The following OSBPL8 variants were observed in gnomAD, a reference collection of about 807,000 sequenced individuals.
OSBPL8 encodes oxysterol-binding protein-related protein 8.
A neutral mutation model predicts 125.5 loss-of-function variants in OSBPL8; 59 were observed. The observed-to-expected ratio is 0.47, with a 90% CI of 0.38 to 0.58. OSBPL8 has a LOEUF of 0.58. OSBPL8 is among the 20% of genes least tolerant of loss of function. The pLI is 0.00. For synonymous variants in OSBPL8, 330 were observed against 338.9 expected, an observed-to-expected ratio of 0.97 and a Z score of 0.29; for missense variants, 758 against 1,047.8, an observed-to-expected ratio of 0.72 and a Z score of 3.82.
At chr12:76,536,980 T>C (rs867279133) in intron 1 of OSBPL8, 1 of 152,452 alleles carries the variant, frequency 6.6e-6, no homozygotes, top group Non-Finnish European at 1.5e-5. Flanking sequence ...TCTATCTTTG[T>C]GTTTAAAAAA....
At chr12:76,356,507 T>C in intron 23 of OSBPL8, 119 bp downstream of exon 23, 1 of 628,802 alleles carries the variant, frequency 1.6e-6, no homozygotes, top group Non-Finnish European at 2.7e-6. Flanking sequence ...GGCTAAACAT[T>C]GTATTTTAGC....
intron 2 of OSBPL8, among the ~76,000 whole-genome samples, chr12:76,484,346 A>C (rs1031084560): frequency 6.6e-6 from 1 of 152,214 alleles, no homozygotes; most frequent in African/African-American, 2.4e-5. Flanking sequence ...TCTCTTAAGA[A>C]AGCTTCTCCA....
At chr12:76,414,852 T>C (rs1868429505) in intron 4 of OSBPL8, among the ~76,000 whole-genome samples, 1 of 152,172 alleles carries the variant, frequency 6.6e-6, no homozygotes, top group South Asian at 2.1e-4. Flanking sequence ...TTTTCCCACA[T>C]CTATTAAGAT....
intron 4 of OSBPL8, among the ~76,000 whole-genome samples, chr12:76,417,336 G>A (rs934199879): frequency 5.3e-5 from 8 of 152,038 alleles, no homozygotes; most frequent in Middle Eastern, 3.2e-3. Flanking sequence ...TGTCTTTGAT[G>A]GTCTGTAGTT....
chr12:76,515,445 T>C (rs939781052), intron 1 of OSBPL8, among the ~76,000 whole-genome samples: 1 of 152,204 alleles, frequency 6.6e-6, no homozygotes, highest in African/African-American at 2.4e-5. Flanking sequence ...GTGTTGAAGT[T>C]GTGGACTGCG....
chr12:76,470,919 G>A (rs540188840), intron 2 of OSBPL8, among the ~76,000 whole-genome samples: 38 of 152,128 alleles, frequency 2.5e-4, no homozygotes, highest in Admixed American at 7.9e-4. Context: ...AACAGATCAC[G>A]TATCACATAT....
intron 5 of OSBPL8, among the ~76,000 whole-genome samples, chr12:76,406,912 T>C (rs1954284446): frequency 1.3e-5 from 2 of 152,120 alleles, no homozygotes; most frequent in Non-Finnish European, 2.9e-5. Flanking sequence ...TGTGCCCAGC[T>C]CCTTTATTTT....
chr12:76,370,058 C>T (rs1006416235), intron 19 of OSBPL8, among the ~76,000 whole-genome samples: 3 of 152,088 alleles, frequency 2.0e-5, no homozygotes, highest in Non-Finnish European at 4.4e-5. Context: ...GAGAAACTTA[C>T]TACATAGACT....
intron 2 of OSBPL8, among the ~76,000 whole-genome samples, chr12:76,481,225 C>T (rs1877438873): frequency 2.0e-5 from 3 of 152,150 alleles, no homozygotes; most frequent in Admixed American, 2.0e-4. Context: ...TGTTTTGAGC[C>T]TCTAAATCTG....
intron 15 of OSBPL8, among the ~76,000 whole-genome samples, chr12:76,381,752 G>A (rs1265363583): frequency 7.6e-6 from 1 of 132,250 alleles, no homozygotes; most frequent in African/African-American, 2.9e-5. Context: ...TTCCTTTCTT[G>A]AGACAGAGTC....
chr12:76,417,672 T>A (rs1652938416), intron 4 of OSBPL8, among the ~76,000 whole-genome samples: 1 of 152,226 alleles, frequency 6.6e-6, no homozygotes, highest in Non-Finnish European at 1.5e-5. Context: ...TGGTTATGTT[T>A]AATTTCATTT....
rs1225451772 is a variant in OSBPL8, at chr12:76,352,585, CA to C, written c.*3303del. The C allele has an allele frequency of 2.6e-5, 4 of 152,418 alleles. No homozygotes were observed. Among genetic ancestry groups the C allele is most frequent in the African/African-American group, 9.7e-5 (4 of 41,412 alleles). 9.4% of individuals were successfully genotyped at this position (152,418 alleles called of 1,614,324 possible). ...TTCTGTGGGATTTTCCCCACTGGTTCAAATTGGAAAATTTGATATAAATCTA... is the reference window on the plus strand; with the variant it reads ...TTCTGTGGGATTTTCCCCACTGGTTCAATTGGAAAATTTGATATAAATCTA... On this transcript the variant is annotated 3_prime_UTR_variant, in exon 24 of 24. Transcript: ENST00000261183.
chr12:76,423,594 T>A (rs1228592101), intron 4 of OSBPL8, among the ~76,000 whole-genome samples: 1 of 152,220 alleles, frequency 6.6e-6, no homozygotes, highest in African/African-American at 2.4e-5. Context: ...TGACCAGTAT[T>A]GACTCCACGT....
intron 1 of OSBPL8, among the ~76,000 whole-genome samples, chr12:76,555,109 G>A (rs554979406): frequency 4.5e-4 from 68 of 152,246 alleles, no homozygotes; most frequent in African/African-American, 1.6e-3. Context: ...GATCTTCATG[G>A]CTTATAGTCA....
At chr12:76,382,635 C>A (rs1411908327) in intron 15 of OSBPL8, among the ~76,000 whole-genome samples, 1 of 152,178 alleles carries the variant, frequency 6.6e-6, no homozygotes, top group African/African-American at 2.4e-5. Flanking sequence ...GTAACCCCAG[C>A]ACTTTGGGAG....
intron 4 of OSBPL8, among the ~76,000 whole-genome samples, chr12:76,414,649 C>T (rs1316588883): frequency 1.3e-5 from 2 of 151,582 alleles, no homozygotes; most frequent in Admixed American, 6.6e-5. Context: ...GATGAGGTCT[C>T]ATCATGTTGC....
intron 5 of OSBPL8, 81 bp from the exon 6 acceptor site, chr12:76,402,847 G>T: frequency 1.1e-6 from 1 of 913,326 alleles, no homozygotes; most frequent in South Asian, 1.5e-5. Flanking sequence ...AAAATTATGT[G>T]ACATTTTTCT....
intron 19 of OSBPL8, among the ~76,000 whole-genome samples, chr12:76,370,584 A>T (rs1019906847): frequency 1.3e-5 from 2 of 152,190 alleles, no homozygotes; most frequent in African/African-American, 4.8e-5. Flanking sequence ...CTCATCTTCA[A>T]ATATGCTGAA....
intron 1 of OSBPL8, among the ~76,000 whole-genome samples, chr12:76,494,564 G>C (rs1394866715): frequency 6.6e-6 from 1 of 152,170 alleles, no homozygotes; most frequent in Non-Finnish European, 1.5e-5. Flanking sequence ...AATTCTACAT[G>C]AATTTTGAAG....
Sources: gnomAD v4.1 joint callset for allele counts (sites outside exome capture counted in the v4.1 genomes callset) on GRCh38, gnomAD v4.1.1 for gene constraint, MANE v1.5 for transcripts, NCBI Gene and HGNC (gene_info 2026-07-23, HGNC 2026-07-21) for gene names.